The following CEP162 variants were observed in gnomAD, a reference collection of about 807,000 sequenced individuals.
CEP162 encodes centrosomal protein of 162 kDa.
CEP162 carries 141 observed loss-of-function variants against 169.2 expected under a neutral mutation model. That is an observed-to-expected ratio of 0.83 (90% CI 0.73 to 0.96). CEP162 has a LOEUF of 0.96. Among genes scored for constraint, CEP162 ranks in the 40% least tolerant of loss-of-function variants. The pLI is 0.00. For synonymous variants in CEP162, 540 were observed against 526.4 expected, an observed-to-expected ratio of 1.03 and a Z score of -0.35; for missense variants, 1,600 against 1,587.2, an observed-to-expected ratio of 1.01 and a Z score of -0.14.
chr6:84,155,580 C>T lies in CEP162; in HGVS notation c.2782-70G>A. ...ATGAATTCAGTAAAGTTTCAGGATACAATCTACAGAAATCTCTGTATACAG... is the reference window on the plus strand; with the variant it reads ...ATGAATTCAGTAAAGTTTCAGGATATAATCTACAGAAATCTCTGTATACAG... On this transcript the variant is annotated intron_variant, in intron 21 of 26. Coordinates refer to ENST00000403245, the MANE Select transcript of CEP162 (RefSeq NM_014895.4). 2 of 1,065,850 alleles carry T rather than the reference C, an allele frequency of 1.9e-6. 1 individual carries two copies. Among genetic ancestry groups the T allele is most frequent in the South Asian group, 3.0e-5 (2 of 66,644 alleles). 66.0% of individuals were successfully genotyped at this position (1,065,850 alleles called of 1,614,324 possible).
intron 25 of CEP162, among the ~76,000 whole-genome samples, chr6:84,135,283 T>C (rs1045245635): frequency 6.6e-6 from 1 of 152,160 alleles, no homozygotes; most frequent in Admixed American, 6.5e-5. Context: ...TGAATAAAAC[T>C]GTTATCTTTT....
At chr6:84,159,977 G>A (rs1360397507) in intron 21 of CEP162, among the ~76,000 whole-genome samples, 1 of 152,006 alleles carries the variant, frequency 6.6e-6, no homozygotes, top group Non-Finnish European at 1.5e-5. Context: ...AATAGGTCTT[G>A]TAAAAGTAAT....
rs375830470 is a variant in CEP162 at position 84,154,352 on chromosome 6, CTG to C, written c.2994+944_2994+945del. On this transcript the variant is annotated intron_variant, in intron 22 of 26. Coordinates refer to ENST00000403245, the MANE Select transcript of CEP162 (RefSeq NM_014895.4). ...TCTATCTGTCTGTCTGTCTGTCTGT[CTG>C]TCTGTCTATCTATCTATCTATCTAC... 4.0e-4 allele frequency among the ~76,000 whole-genome samples: 61 copies of C among 151,734 alleles called. No individual in the cohort carries two copies. The East Asian group carries it at 0.012, about 29-fold the overall frequency.
intron 25 of CEP162, among the ~76,000 whole-genome samples, chr6:84,130,373 A>C (rs1295883790): frequency 6.6e-6 from 1 of 152,190 alleles, no homozygotes; most frequent in Non-Finnish European, 1.5e-5. Flanking sequence ...TGGCCTCATA[A>C]AATGAGTTAG....
At position 84,186,469 on chromosome 6, in the gene CEP162, T is replaced by G. The variant is rs982906569; in HGVS notation, c.1264A>C (p.Ser422Arg). The G allele has an allele frequency of 6.2e-6, 10 of 1,613,222 alleles. No individual in the cohort carries two copies. The highest frequency in any genetic ancestry group is 7.6e-6 in the Non-Finnish European group (9 of 1,179,442). Residue 422 changes from serine to arginine, a missense_variant, in exon 12 of 27, where the codon AGT (serine) becomes CGT (arginine). Coordinates refer to ENST00000403245, the MANE Select transcript of CEP162 (RefSeq NM_014895.4). ...ACTTGTGGACAGCTGTTTTCCATAC[T>G]CTCATTTGTGGTCTTTTGTAAAATC... is the stretch of plus-strand genomic sequence containing the variant. ...NVILQKTTNE[S>R]MENSCPQVTE... is the part of the protein sequence containing the mutation.
Position 84,215,927 on chromosome 6 carries a change from G to A in CEP162, c.173-5C>T. ...TCACATTTGTTCCAAGAAGTCCTAG[G>A]TACACAATTTAATACAGATGAAGAT... On this transcript the variant is annotated splice_region_variant and splice_polypyrimidine_tract_variant and intron_variant, in intron 3 of 26. Transcript: ENST00000403245. 2 of 1,551,020 alleles carry A rather than the reference G, an allele frequency of 1.3e-6. No individual in the cohort carries two copies. Among genetic ancestry groups the A allele is most frequent in the Non-Finnish European group, 1.7e-6 (2 of 1,149,454 alleles).
chr6:84,189,995 G>T (rs958593541), intron 11 of CEP162, among the ~76,000 whole-genome samples: 7 of 150,892 alleles, frequency 4.6e-5, no homozygotes, highest in Admixed American at 6.6e-5. Flanking sequence ...CTAGCCCAGG[G>T]ATTGTAAATA....
At chr6:84,208,779 G>T (rs1003657196) in intron 6 of CEP162, among the ~76,000 whole-genome samples, 4 of 152,186 alleles carry the variant, frequency 2.6e-5, no homozygotes, top group African/African-American at 9.7e-5. Context: ...CACTGCTTGG[G>T]ATTTTCTAAT....
At chr6:84,188,227 T>C (rs1476949175) in intron 11 of CEP162, among the ~76,000 whole-genome samples, 12 of 152,150 alleles carry the variant, frequency 7.9e-5, no homozygotes, top group Non-Finnish European at 5.9e-5. Flanking sequence ...TTAAAGCAGA[T>C]TTAAAACCTT....
intron 21 of CEP162, among the ~76,000 whole-genome samples, chr6:84,158,940 G>T (rs969342205): frequency 3.3e-5 from 5 of 150,822 alleles, no homozygotes; most frequent in Admixed American, 6.6e-5. Context: ...AACTCTCATT[G>T]CAAATCAAAC....
At chr6:84,152,516 A>C (rs2099521508) in intron 23 of CEP162, 29 bp downstream of exon 23, 1 of 1,186,336 alleles carries the variant, frequency 8.4e-7, no homozygotes, top group Non-Finnish European at 1.1e-6. Context: ...TTATTTTTAC[A>C]AATATTTATA....
intron 24 of CEP162, among the ~76,000 whole-genome samples, chr6:84,147,965 T>G (rs2099519665): frequency 1.3e-5 from 2 of 152,152 alleles, no homozygotes; most frequent in African/African-American, 4.8e-5. Context: ...TTAACTCAAT[T>G]TTACAATATT....
At chr6:84,144,756 C>G (rs984797862) in intron 25 of CEP162, among the ~76,000 whole-genome samples, 4 of 152,078 alleles carry the variant, frequency 2.6e-5, no homozygotes, top group African/African-American at 9.7e-5. Context: ...TTTTTAGGGA[C>G]TGTCTGTTTA....
intron 7 of CEP162, among the ~76,000 whole-genome samples, chr6:84,203,487 C>T (rs1357754348): frequency 2.0e-5 from 3 of 152,152 alleles, no homozygotes; most frequent in Non-Finnish European, 4.4e-5. Context: ...ACTCATCAAC[C>T]AGGCTGGAGT....
chr6:84,199,103 T>C (rs983920337), intron 9 of CEP162, among the ~76,000 whole-genome samples: 3 of 152,226 alleles, frequency 2.0e-5, no homozygotes, highest in African/African-American at 7.2e-5. Context: ...GTTGTAGCTG[T>C]ACAATGGCCT....
intron 9 of CEP162, among the ~76,000 whole-genome samples, chr6:84,197,842 A>AAAG (rs1554181653): frequency 6.0e-5 from 9 of 150,896 alleles, no homozygotes; most frequent in African/African-American, 2.2e-4. Context: ...AAAAAAAAAA[A>AAAG]AGAGAGAAAG....
At position 84,163,781 on chromosome 6, in the gene CEP162, C is replaced by G. The variant is rs867536433; in HGVS notation, c.2386-511G>C. Among the ~76,000 whole-genome samples, 14 of 152,052 alleles carry G rather than the reference C, an allele frequency of 9.2e-5. 1 individual carries two copies. The South Asian group carries it at 2.3e-3, about 25-fold the overall frequency. ...AGGAATTCGAGACCAGTATGGCCAA[C>G]AAGGTGAAACCACGTCTCTACTAAA... is the stretch of plus-strand genomic sequence containing the variant. On this transcript the variant is annotated intron_variant, in intron 18 of 26. Transcript: ENST00000403245.
At chr6:84,183,339 A>G (rs868642688) in intron 13 of CEP162, among the ~76,000 whole-genome samples, 2 of 152,044 alleles carry the variant, frequency 1.3e-5, no homozygotes, top group South Asian at 4.1e-4. Flanking sequence ...TCATTTCAGC[A>G]TACTCACAGG....
chr6:84,208,723 T>G (rs73750544), intron 6 of CEP162, among the ~76,000 whole-genome samples: 1,871 of 152,358 alleles, frequency 0.012, 47 homozygotes, highest in African/African-American at 0.042. Flanking sequence ...ATTTGTATTC[T>G]GAGGCTGAGA....
Sources: gnomAD v4.1 joint callset for allele counts (sites outside exome capture counted in the v4.1 genomes callset) on GRCh38, gnomAD v4.1.1 for gene constraint, MANE v1.5 for transcripts, NCBI Gene and HGNC (gene_info 2026-07-23, HGNC 2026-07-21) for gene names.